Variants in MYO7A observed in about 807,000 individuals in gnomAD.
MYO7A encodes the protein unconventional myosin-VIIa.
A neutral mutation model predicts 263.8 loss-of-function variants in MYO7A; 210 were observed. The observed-to-expected ratio is 0.80, with a 90% CI of 0.71 to 0.89. The LOEUF (loss-of-function observed/expected upper bound fraction) is 0.89, where lower values mean the gene tolerates loss of function less well. Among genes scored for constraint, MYO7A ranks in the 40% least tolerant of loss-of-function variants. MYO7A has a pLI of 0.00. For missense variants in MYO7A, 2,820 were observed against 2,968.3 expected (o/e 0.95, Z 1.16); for synonymous variants, 1,239 against 1,197.3 (o/e 1.03, Z -0.72).
chr11:77,146,657 G>A (rs1187130975), intron 3 of MYO7A, among the ~76,000 whole-genome samples: 6 of 152,108 alleles, frequency 3.9e-5, no homozygotes, highest in Non-Finnish European at 8.8e-5. Context: ...AGCAGGTGGG[G>A]GAGGACATGG....
chr11:77,139,262 G>A (rs141238610), intron 2 of MYO7A: 1 of 152,210 alleles, frequency 6.6e-6, no homozygotes, highest in Non-Finnish European at 1.5e-5. Context: ...GGCTTTCCTG[G>A]GGGGAGGCCC....
chr11:77,153,605 C>T (rs1952176827), intron 4 of MYO7A, among the ~76,000 whole-genome samples: 1 of 152,194 alleles, frequency 6.6e-6, no homozygotes, highest in South Asian at 2.1e-4. Context: ...CCCAGGGCCT[C>T]CCTCCATCGG....
intron 18 of MYO7A, among the ~76,000 whole-genome samples, chr11:77,176,804 C>G (rs1555080325): frequency 6.6e-6 from 1 of 152,180 alleles, no homozygotes; most frequent in Non-Finnish European, 1.5e-5. Context: ...AGGGCAGGGG[C>G]CATGTCTCCC....
At chr11:77,192,945 A>AG (rs1296941700) in intron 31 of MYO7A, among the ~76,000 whole-genome samples, 5 of 9,384 alleles carry the variant, frequency 5.3e-4, no homozygotes, top group Admixed American at 1.2e-3. Flanking sequence ...GTGATGGTGG[A>AG]GGTAGTGATG....
rs1388714402 is a variant in MYO7A, at chr11:77,138,119, G to C, written c.19-4590G>C. On this transcript the variant is annotated intron_variant, in intron 2 of 48. Coordinates refer to ENST00000409709, the MANE Select transcript of MYO7A (RefSeq NM_000260.4). The surrounding 1 kb of genome is among the most constrained non-coding windows in gnomAD (Gnocchi z 4.9). Reference sequence around the variant, plus strand: ...TCCGGGCAAAGTGGGGCTGTGGGGGGTTCGGCCGAGACGGAGGGGGCCGGG... The same window carrying C: ...TCCGGGCAAAGTGGGGCTGTGGGGGCTTCGGCCGAGACGGAGGGGGCCGGG... Among the ~76,000 whole-genome samples, 59 of 152,138 alleles carry C rather than the reference G, an allele frequency of 3.9e-4. No homozygotes were observed. The highest frequency in any genetic ancestry group is 8.8e-5 in the Non-Finnish European group (6 of 68,000).
chr11:77,143,791 T>G (rs1951375315), intron 3 of MYO7A, among the ~76,000 whole-genome samples: 1 of 151,230 alleles, frequency 6.6e-6, no homozygotes, highest in Non-Finnish European at 1.5e-5. Context: ...GGGAGGAGAG[T>G]CAGGAGAAAG....
chr11:77,160,346 C>G lies in MYO7A; in HGVS notation c.1200+64C>G, dbSNP rs1435897759. On this transcript the variant is annotated intron_variant, in intron 11 of 48. Coordinates refer to ENST00000409709, the MANE Select transcript of MYO7A (RefSeq NM_000260.4). ...CTTGGGAAGTTGGGCTCTTGATGGG[C>G]AGGTGCCAAGGAGTCCTGGGAGGTG... 5.9e-6 allele frequency: 9 copies of G among 1,521,368 alleles called. No individual in the cohort carries two copies. The East Asian group carries it at 2.0e-4, about 33-fold the overall frequency. The allele number at this position is 1,521,368 out of a possible 1,614,324, so 94.2% of individuals were successfully genotyped here.
intron 27 of MYO7A, among the ~76,000 whole-genome samples, chr11:77,188,125 C>A (rs1412695731): frequency 1.3e-5 from 2 of 152,204 alleles, no homozygotes; most frequent in African/African-American, 4.8e-5. Context: ...GGTGTCAACT[C>A]CTTGAGGGGC....
At position 77,156,017 on chromosome 11, in the gene MYO7A, C is replaced by T. The variant is rs1555061715; in HGVS notation, c.396C>T (p.Pro132=). ...ACAAGAAGATTGGGGAGATGCCCCC[C>T]CACATCTTTGCCATTGCTGACAACT... ...YTNKKIGEMP[P]HIFAIADNCY... Residue 132 remains proline (P), a synonymous_variant, in exon 5 of 49, where the codon CCC becomes CCT. Transcript: ENST00000409709. 1 of 1,613,958 alleles carries T rather than the reference C, an allele frequency of 6.2e-7. No homozygotes were observed.
intron 44 of MYO7A, 26 bp from the exon 45 acceptor site, chr11:77,211,126 C>A: frequency 6.5e-7 from 1 of 1,537,628 alleles, no homozygotes; most frequent in Non-Finnish European, 8.8e-7. Context: ...TCCCTGCACG[C>A]CTGTGACCTG....
intron 4 of MYO7A, among the ~76,000 whole-genome samples, chr11:77,151,463 GT>G (rs1555057132): frequency 2.0e-5 from 3 of 152,124 alleles, no homozygotes; most frequent in Non-Finnish European, 4.4e-5. Flanking sequence ...TGCTAACGAA[GT>G]CCCCAGAGCC....
chr11:77,151,260 G>A (rs1197473843), intron 4 of MYO7A, among the ~76,000 whole-genome samples: 3 of 152,250 alleles, frequency 2.0e-5, no homozygotes, highest in Non-Finnish European at 4.4e-5. Flanking sequence ...GCTGAGCAGA[G>A]GCTGGAGCCC....
intron 39 of MYO7A, 110 bp from the exon 40 acceptor site, chr11:77,205,352 C>A: frequency 7.7e-7 from 1 of 1,306,886 alleles, no homozygotes; most frequent in Non-Finnish European, 1.0e-6. Flanking sequence ...AGGGACGGTG[C>A]TGCTGTGATG....
intron 23 of MYO7A, 93 bp from the exon 24 acceptor site, chr11:77,181,858 C>G (rs1955247634): frequency 1.8e-6 from 2 of 1,082,568 alleles, no homozygotes. Context: ...GATCACAGCT[C>G]ACTGCAGCCT....
At chr11:77,206,060 A>T in intron 40 of MYO7A, 37 bp from the exon 41 acceptor site, 1 of 1,523,720 alleles carries the variant, frequency 6.6e-7, no homozygotes, top group Non-Finnish European at 9.0e-7. Context: ...CCACAGTCCC[A>T]CGCACATGCC....
At chr11:77,164,380 A>G (rs1455419112) in intron 14 of MYO7A, among the ~76,000 whole-genome samples, 1 of 152,130 alleles carries the variant, frequency 6.6e-6, no homozygotes, top group Non-Finnish European at 1.5e-5. Context: ...ATAAATATCT[A>G]TACCTACTAT....
In MYO7A at chr11:77,194,440, G is replaced by T. The variant is rs1169223473; in HGVS notation, c.4239G>T (p.Val1413=). ...TCCTGGAGCGCCTCCTGAACCTCGT[G>T]CCCACCTACATCCCCGACCGCGAGA... ...EMILERLLNL[V]PTYIPDREIT... is the part of the protein sequence containing the mutation. Residue 1413 remains valine, a synonymous_variant, in exon 32 of 49, where the codon GTG becomes GTT. Coordinates refer to ENST00000409709, the MANE Select transcript of MYO7A (RefSeq NM_000260.4). The T allele has an allele frequency of 6.2e-7, 1 of 1,611,828 alleles. No homozygotes were observed. The highest frequency in any genetic ancestry group is 1.7e-4 in the Middle Eastern group (1 of 6,056).
At position 77,172,820 on chromosome 11, in the gene MYO7A, A is replaced by C; in HGVS notation, c.1870A>C (p.Thr624Pro). ...GCGGTCACTGGAGCTGCTGATGCGCACGCTGGGTGCCTGCCAGCCCTTCTT... is the reference window on the plus strand; with the variant it reads ...GCGGTCACTGGAGCTGCTGATGCGCCCGCTGGGTGCCTGCCAGCCCTTCTT... Reference protein sequence around the residue: ...FKRSLELLMRTLGACQPFFVR... With the variant: ...FKRSLELLMRPLGACQPFFVR... The change falls in exon 16 of 49, where the codon ACG (threonine) becomes CCG (proline). Residue 624 changes from threonine to proline, a missense_variant. Thr to Pro is a conservative substitution (Grantham distance 38). Coordinates refer to ENST00000409709, the MANE Select transcript of MYO7A (RefSeq NM_000260.4). The C allele has an allele frequency of 6.4e-7, 1 of 1,553,288 alleles. No individual in the cohort carries two copies. Among genetic ancestry groups the C allele is most frequent in the Non-Finnish European group, 8.7e-7 (1 of 1,148,146 alleles).
At chr11:77,201,771 A>G (rs551432017) in intron 36 of MYO7A, 133 bp downstream of exon 36, 5 of 986,402 alleles carry the variant, frequency 5.1e-6, no homozygotes, top group African/African-American at 5.1e-5. Context: ...TGGGACACAC[A>G]TTTAAAGTTG....
Sources: allele counts gnomAD v4.1 joint callset (sites outside exome capture counted in the v4.1 genomes callset), GRCh38; gene constraint gnomAD v4.1.1; non-coding constraint Gnocchi (gnomAD v3.1); transcripts MANE v1.5; gene names NCBI Gene and HGNC (gene_info 2026-07-23, HGNC 2026-07-21).